The following BEAN1 variants were observed in gnomAD, a reference collection of about 807,000 sequenced individuals.
BEAN1 encodes the protein protein BEAN1.
A neutral mutation model predicts 17.7 loss-of-function variants in BEAN1; 17 were observed. The observed-to-expected ratio is 0.96, with a 90% CI of 0.66 to 1.44. BEAN1 has a LOEUF of 1.44. BEAN1 is among the 40% of genes most tolerant of loss of function. BEAN1 has a pLI of 0.00. For synonymous variants in BEAN1, 142 were observed against 151.8 expected, an observed-to-expected ratio of 0.94 and a Z score of 0.47; for missense variants, 359 against 374.1, an observed-to-expected ratio of 0.96 and a Z score of 0.33.
At chr16:66,433,916 C>T (rs1961906501) in intron 1 of BEAN1, among the ~76,000 whole-genome samples, 1 of 152,218 alleles carries the variant, frequency 6.6e-6, no homozygotes, top group African/African-American at 2.4e-5. Context: ...CCCAGGCTCT[C>T]TCCCCTTAGC....
chr16:66,435,112 A>C (rs1489279830), intron 1 of BEAN1, among the ~76,000 whole-genome samples: 1 of 152,060 alleles, frequency 6.6e-6, no homozygotes, highest in African/African-American at 2.4e-5. Flanking sequence ...AAGGAATGGC[A>C]TGCTAGGGAG....
intron 1 of BEAN1, among the ~76,000 whole-genome samples, chr16:66,429,054 C>T (rs1001365218): frequency 1.3e-5 from 2 of 152,214 alleles, no homozygotes; most frequent in East Asian, 1.9e-4. Flanking sequence ...ACCCATTGCT[C>T]GAGCTCCGTA....
chr16:66,494,747 T>TCC (rs1250391072), downstream of BEAN1, among the ~76,000 whole-genome samples: 1 of 152,236 alleles, frequency 6.6e-6, no homozygotes, highest in Non-Finnish European at 1.5e-5. Flanking sequence ...ATGCCTGCTC[T>TCC]CCATCCAGGA....
In BEAN1 at chr16:66,471,417, C is replaced by T. The variant is rs558256498; in HGVS notation, c.289+1552C>T. On this transcript the variant is annotated intron_variant, in intron 3 of 4. Coordinates refer to ENST00000536005, the MANE Select transcript of BEAN1 (RefSeq NM_001178020.3). The surrounding 1 kb of genome is among the most constrained non-coding windows in gnomAD (Gnocchi z 4.7). The stretch of plus-strand genomic sequence containing the variant: ...CTGACCTGGCACCCACAGGCTGCCC[C>T]GCTGCACAGCACTGCCCAGGAAGGG... 2.0e-5 allele frequency among the ~76,000 whole-genome samples: 3 copies of T among 152,346 alleles called. No individual in the cohort carries two copies. Among genetic ancestry groups the T allele is most frequent in the East Asian group, 1.9e-4 (1 of 5,178 alleles).
chr16:66,438,266 C>T (rs1962110271), intron 2 of BEAN1, among the ~76,000 whole-genome samples: 2 of 151,962 alleles, frequency 1.3e-5, no homozygotes, highest in African/African-American at 4.8e-5. Flanking sequence ...CGCCTGTAAT[C>T]CCAGCTACTC....
chr16:66,447,577 T>A (rs181544599), intron 2 of BEAN1, among the ~76,000 whole-genome samples: 100 of 152,246 alleles, frequency 6.6e-4, no homozygotes, highest in African/African-American at 2.3e-3. Context: ...CTCCCTTCCC[T>A]ACCAGCCCCA....
chr16:66,427,705 T>A lies in BEAN1; in HGVS notation c.-83+274T>A, dbSNP rs577049462. On this transcript the variant is annotated intron_variant, in intron 1 of 4. Transcript: ENST00000536005. The surrounding 1 kb of genome is among the most constrained non-coding windows in gnomAD (Gnocchi z 4.7). Reference sequence around the variant, plus strand: ...CTGACCCTGATCGCGCCCTCGGGCCTCGGGGAAGGGGAGGTATCCAGGTTT... The same window carrying A: ...CTGACCCTGATCGCGCCCTCGGGCCACGGGGAAGGGGAGGTATCCAGGTTT... 4.0e-5 allele frequency: 6 copies of A among 151,764 alleles called. No homozygotes were observed. Among genetic ancestry groups the A allele is most frequent in the Admixed American group, 3.9e-4 (6 of 15,274 alleles). The allele number at this position is 151,764 out of a possible 1,614,324, so 9.4% of individuals were successfully genotyped here.
At chr16:66,437,147 A>G (rs1000540851) in intron 1 of BEAN1, among the ~76,000 whole-genome samples, 10 of 152,118 alleles carry the variant, frequency 6.6e-5, no homozygotes, top group Admixed American at 2.6e-4. Flanking sequence ...CTAGGTGTCA[A>G]TGAACACCCT....
chr16:66,436,036 G>A (rs951542278), intron 1 of BEAN1, among the ~76,000 whole-genome samples: 1 of 152,096 alleles, frequency 6.6e-6, no homozygotes, highest in Non-Finnish European at 1.5e-5. Context: ...TTTTCCCATT[G>A]GCTTTAGGGC....
chr16:66,461,533 G>T (rs1326315773), intron 2 of BEAN1, among the ~76,000 whole-genome samples: 1 of 149,886 alleles, frequency 6.7e-6, no homozygotes, highest in African/African-American at 2.4e-5. Flanking sequence ...GGTCCCAGAG[G>T]CAGGTTCTGC....
In BEAN1 at chr16:66,480,858, C is replaced by A; in HGVS notation, c.713C>A (p.Pro238Gln). 1 of 1,503,654 alleles carries A rather than the reference C, an allele frequency of 6.7e-7. No homozygotes were observed. The highest frequency in any genetic ancestry group is 8.9e-7 in the Non-Finnish European group (1 of 1,120,176). The allele number at this position is 1,503,654 out of a possible 1,614,324, so 93.1% of individuals were successfully genotyped here. The change falls in exon 5 of 5, where the codon CCA becomes CAA. Residue 238 changes from proline (P) to glutamine (Q), a missense_variant. Transcript: ENST00000536005. ...CCACTGCCGGGCCCAGACCCAGGGC[C>A]AAGGGGCTCCCAGGGCTCACCCACC... Reference protein sequence around the residue: ...LLPLPGPDPGPRGSQGSPTPT... With the variant: ...LLPLPGPDPGQRGSQGSPTPT...
rs1466064357 is a variant in BEAN1, at chr16:66,473,297, AG to A, written c.289+3434del. Among the ~76,000 whole-genome samples the A allele has an allele frequency of 6.6e-6, 1 of 152,042 alleles. No homozygotes were observed. The highest frequency in any genetic ancestry group is 1.5e-5 in the Non-Finnish European group (1 of 67,990). On this transcript the variant is annotated intron_variant, in intron 3 of 4. Transcript: ENST00000536005. This position sits in a 1 kb window ranked among gnomAD's most constrained non-coding sequence, Gnocchi z 4.5. Reference sequence around the variant, plus strand: ...GGTCACAGCTCTGCCAAGCGGGGTCAGGCCTTGGCTTCCCCACTGCAGCCTG... The same window carrying A: ...GGTCACAGCTCTGCCAAGCGGGGTCAGCCTTGGCTTCCCCACTGCAGCCTG...
chr16:66,454,729 C>CTTTTTTTTTTTTT (rs538469751), intron 2 of BEAN1, among the ~76,000 whole-genome samples: 552 of 82,726 alleles, frequency 6.7e-3, no homozygotes, highest in East Asian at 0.01. Context: ...TTCTTTCTTT[C>CTTTTTTTTTTTTT]TTTTTTTTTT....
At chr16:66,488,524 A>G (rs943274282) in intron 4 of BEAN1, among the ~76,000 whole-genome samples, 47 of 142,338 alleles carry the variant, frequency 3.3e-4, no homozygotes, top group African/African-American at 1.3e-3. Flanking sequence ...CTACCAAAAA[A>G]AAAAAAAAAA....
At chr16:66,445,393 G>A (rs1159302508) in intron 2 of BEAN1, among the ~76,000 whole-genome samples, 2 of 148,412 alleles carry the variant, frequency 1.3e-5, no homozygotes, top group Admixed American at 1.4e-4. Context: ...AGAGAATGGC[G>A]TGAACCTGGG....
chr16:66,495,065 T>C (rs1964227039), downstream of BEAN1, among the ~76,000 whole-genome samples: 1 of 152,164 alleles, frequency 6.6e-6, no homozygotes, highest in Non-Finnish European at 1.5e-5. Context: ...GCCTTTGCTC[T>C]CCCTGAAACT....
intron 2 of BEAN1, among the ~76,000 whole-genome samples, chr16:66,467,819 C>A (rs746902315): frequency 1.3e-5 from 2 of 152,244 alleles, no homozygotes; most frequent in Non-Finnish European, 2.9e-5. Context: ...GACACTAGAG[C>A]CTCCATCTCA....
chr16:66,491,190 C>T (rs1964172078), intron 4 of BEAN1, among the ~76,000 whole-genome samples: 2 of 152,192 alleles, frequency 1.3e-5, no homozygotes, highest in African/African-American at 4.8e-5. Flanking sequence ...CCAGGTGGCT[C>T]CTGGGCAGGA....
intron 2 of BEAN1, among the ~76,000 whole-genome samples, chr16:66,465,925 T>A (rs1963245370): frequency 6.6e-6 from 1 of 152,194 alleles, no homozygotes; most frequent in African/African-American, 2.4e-5. Flanking sequence ...TTCTGTAAGG[T>A]CTGTAGTAAC....
Sources: allele counts gnomAD v4.1 joint callset (sites outside exome capture counted in the v4.1 genomes callset), GRCh38; gene constraint gnomAD v4.1.1; non-coding constraint Gnocchi (gnomAD v3.1); transcripts MANE v1.5; gene names NCBI Gene and HGNC (gene_info 2026-07-23, HGNC 2026-07-21).